Variants in BAZ1A observed in about 807,000 individuals in gnomAD.
BAZ1A encodes the protein bromodomain adjacent to zinc finger domain 1A.
In BAZ1A, 50 loss-of-function variants were observed where a neutral mutation model predicts 185.2. The observed-to-expected ratio is 0.27, with a 90% confidence interval of 0.22 to 0.34. The LOEUF is 0.34. Ranked by LOEUF, BAZ1A falls within the 10% of genes least tolerant of loss-of-function variation. BAZ1A has a pLI of 1.00. For missense variants in BAZ1A, 1,356 were observed against 1,839.9 expected (o/e 0.74, Z 4.81); for synonymous variants, 571 against 615.6 (o/e 0.93, Z 1.07).
At chr14:34,853,457 G>A (rs1017027766) in intron 3 of BAZ1A, among the ~76,000 whole-genome samples, 2 of 152,122 alleles carry the variant, frequency 1.3e-5, no homozygotes, top group East Asian at 1.9e-4. Flanking sequence ...TGGAGAGGAG[G>A]AAGCACCTAA....
Position 34,793,492 on chromosome 14 carries a change from G to T in BAZ1A, c.1364-571C>A, listed in dbSNP as rs75293530. On this transcript the variant is annotated intron_variant, in intron 11 of 26. Coordinates refer to ENST00000360310, the MANE Select transcript of BAZ1A (RefSeq NM_013448.3). ...AAAAGAATTTGAAAGCCCTCCTAAA[G>T]AATATACTTTTATTAAAATAAGAGT... 8.8e-3 allele frequency among the ~76,000 whole-genome samples: 1,346 copies of T among 152,300 alleles called. 12 individuals are homozygous for T. Among genetic ancestry groups the T allele is most frequent in the Non-Finnish European group, 0.012 (826 of 68,008 alleles).
At position 34,773,561 on chromosome 14, in the gene BAZ1A, T is replaced by C. The variant is rs1223616004; in HGVS notation, c.3152+11A>G. The C allele has an allele frequency of 4.5e-6, 7 of 1,539,422 alleles. No individual in the cohort carries two copies. The highest frequency in any genetic ancestry group is 6.1e-6 in the Non-Finnish European group (7 of 1,145,286). On this transcript the variant is annotated intron_variant, in intron 20 of 26. Coordinates refer to ENST00000360310, the MANE Select transcript of BAZ1A (RefSeq NM_013448.3). ...AAAAGTAATGGTTACTTTAGAAAAA[T>C]CTTTTTGTACCTGTCTTTTACTATG...
chr14:34,818,997 C>T (rs1024545916), intron 4 of BAZ1A, among the ~76,000 whole-genome samples: 67 of 151,622 alleles, frequency 4.4e-4, no homozygotes, highest in African/African-American at 1.3e-3. Context: ...AAAAATTAGC[C>T]GGGCGTGGTG....
chr14:34,869,389 G>C (rs1159536118), intron 2 of BAZ1A, among the ~76,000 whole-genome samples: 1 of 152,134 alleles, frequency 6.6e-6, no homozygotes, highest in Non-Finnish European at 1.5e-5. Flanking sequence ...AAAAACTCAT[G>C]TTTTCAAGAG....
intron 2 of BAZ1A, among the ~76,000 whole-genome samples, chr14:34,864,776 A>ATTT (rs35276443): frequency 2.1e-5 from 3 of 140,498 alleles, no homozygotes; most frequent in African/African-American, 2.6e-5. Flanking sequence ...AGCGCAATAA[A>ATTT]TTTTTTTTTT....
At chr14:34,798,894 A>G (rs957948769) in intron 9 of BAZ1A, among the ~76,000 whole-genome samples, 2 of 152,204 alleles carry the variant, frequency 1.3e-5, no homozygotes, top group African/African-American at 4.8e-5. Context: ...GTATATACCC[A>G]AAGGATTATA....
At chr14:34,775,837 G>A (rs764804587) in intron 18 of BAZ1A, 82 bp downstream of exon 18, 45 of 1,084,220 alleles carry the variant, frequency 4.2e-5, no homozygotes, top group Non-Finnish European at 6.0e-5. Flanking sequence ...ATTTCTAATA[G>A]GTTGCAAAAA....
chr14:34,805,982 T>C (rs996204589), intron 6 of BAZ1A, among the ~76,000 whole-genome samples: 3 of 151,934 alleles, frequency 2.0e-5, no homozygotes, highest in Non-Finnish European at 4.4e-5. Context: ...TTAAAACCTA[T>C]GTTTATGCTC....
intron 3 of BAZ1A, among the ~76,000 whole-genome samples, chr14:34,861,282 C>T (rs1432376463): frequency 6.6e-6 from 1 of 152,152 alleles, no homozygotes; most frequent in Non-Finnish European, 1.5e-5. Flanking sequence ...AATCACAAAG[C>T]TTCAGACTTG....
chr14:34,756,425 G>C (rs1886249830), intron 25 of BAZ1A, among the ~76,000 whole-genome samples: 1 of 144,632 alleles, frequency 6.9e-6, no homozygotes, highest in Non-Finnish European at 1.5e-5. Context: ...CTAAACTGTT[G>C]AGATTACAGG....
rs1879446158 is a variant in BAZ1A at position 34,774,329 on chromosome 14, T to G, written c.2995A>C (p.Lys999Gln). ...TAAAAATGGGAACAAGTACAAACCT[T>G]GATGGCTCCTAATGTTCCTTGGTAG... ...RIYQGTLGAI[K>Q]VTDRHIWRSA... Residue 999 changes from lysine (K) to glutamine (Q), a missense_variant and splice_region_variant, in exon 19 of 27, where the codon AAG (lysine) becomes CAG (glutamine). Physicochemically the swap from Lys to Gln is moderately conservative, Grantham distance 53 (BLOSUM62 1). This residue lies in a region of BAZ1A where 434 missense variants were observed against 561.7 expected (regional missense o/e 0.77). Transcript: ENST00000360310. 5.0e-6 allele frequency: 8 copies of G among 1,604,736 alleles called. No homozygotes were observed. The highest frequency in any genetic ancestry group is 5.1e-6 in the Non-Finnish European group (6 of 1,177,548).
chr14:34,872,941 A>AAAAAAAAAAAAAAAC (rs1555346584), intron 2 of BAZ1A, among the ~76,000 whole-genome samples: 3 of 122,680 alleles, frequency 2.4e-5, no homozygotes, highest in Admixed American at 8.4e-5. Context: ...AAAAAAAAAA[A>AAAAAAAAAAAAAAAC]CTTGTCCAAT....
intron 6 of BAZ1A, among the ~76,000 whole-genome samples, chr14:34,804,636 A>T (rs999445328): frequency 7.9e-5 from 12 of 152,216 alleles, no homozygotes; most frequent in African/African-American, 1.2e-4. Context: ...TCCATCCCAT[A>T]TAACCTCAGA....
At chr14:34,801,236 G>C in intron 7 of BAZ1A, 43 bp from the exon 8 acceptor site, 1 of 1,388,000 alleles carries the variant, frequency 7.2e-7, no homozygotes, top group Admixed American at 2.3e-5. Flanking sequence ...CTTATAGTAA[G>C]AATAAAAAGC....
chr14:34,847,723 G>A (rs1460097523), intron 3 of BAZ1A, among the ~76,000 whole-genome samples: 1 of 152,122 alleles, frequency 6.6e-6, no homozygotes, highest in African/African-American at 2.4e-5. Flanking sequence ...GAACATTAAT[G>A]CATTTTATGA....
At chr14:34,781,920 C>A (rs1880065210) in intron 16 of BAZ1A, among the ~76,000 whole-genome samples, 1 of 152,108 alleles carries the variant, frequency 6.6e-6, no homozygotes. Flanking sequence ...AGAGATATAC[C>A]TTTGTTTATC....
At chr14:34,844,775 GCGCACACACACACACACACA>G (rs1474785334) in intron 3 of BAZ1A, among the ~76,000 whole-genome samples, 15 of 135,486 alleles carry the variant, frequency 1.1e-4, no homozygotes, top group Admixed American at 3.0e-4. Context: ...ACACACACAC[GCGCACACACACACACACACA>G]CACACACACA....
chr14:34,760,728 T>C (rs781030130), intron 24 of BAZ1A, among the ~76,000 whole-genome samples: 16 of 151,956 alleles, frequency 1.1e-4, no homozygotes, highest in Non-Finnish European at 1.8e-4. Context: ...GGTGCATTCC[T>C]GTAGTCGCAG....
chr14:34,784,564 C>CTGGA (rs1000142444), intron 14 of BAZ1A, among the ~76,000 whole-genome samples: 1 of 151,672 alleles, frequency 6.6e-6, no homozygotes, highest in Non-Finnish European at 1.5e-5. Flanking sequence ...GACGCCCAGG[C>CTGGA]TGGAGTGCAG....
Sources: gnomAD v4.1 joint callset for allele counts (sites outside exome capture counted in the v4.1 genomes callset) on GRCh38, gnomAD v4.1.1 for gene constraint, gnomAD v4.1.1 regional missense constraint, MANE v1.5 for transcripts, NCBI Gene and HGNC (gene_info 2026-07-23, HGNC 2026-07-21) for gene names.